NRXN1: variants seen among roughly 807,000 people sequenced by gnomAD.
NRXN1 encodes the protein neurexin-1.
NRXN1 carries 39 observed loss-of-function variants against 150.9 expected under a neutral mutation model. The observed-to-expected ratio is 0.26, with a 90% confidence interval of 0.20 to 0.34. NRXN1 has a LOEUF of 0.34. Ranked by LOEUF, NRXN1 falls within the 10% of genes least tolerant of loss-of-function variation. The pLI is 1.00. For missense variants in NRXN1, 1,815 were observed against 1,949.9 expected (o/e 0.93, Z 1.30); for synonymous variants, 924 against 757.0 (o/e 1.22, Z -3.62).
intron 5 of NRXN1, among the ~76,000 whole-genome samples, chr2:50,648,529 G>T (rs1267225636): frequency 6.6e-6 from 1 of 151,948 alleles, no homozygotes; most frequent in Non-Finnish European, 1.5e-5. Flanking sequence ...GAGGGTGTGA[G>T]AGACTACAAG....
At chr2:50,172,805 A>G (rs528120701) in intron 18 of NRXN1, among the ~76,000 whole-genome samples, 34 of 152,198 alleles carry the variant, frequency 2.2e-4, no homozygotes, top group Admixed American at 7.9e-4. Context: ...CGTCTCTACT[A>G]AAAATACAAA....
In NRXN1 at chr2:50,334,110, TC is replaced by T. The variant is rs2077012949; in HGVS notation, c.3365-97141del. The stretch of plus-strand genomic sequence containing the variant: ...CCTCTCTGGCAACTCCCAGCCAATG[TC>T]TAGAGAGCACAGCACTGTGTTTTCC... On this transcript the variant is annotated intron_variant, in intron 17 of 22. Coordinates refer to ENST00000401669, the MANE Select transcript of NRXN1 (RefSeq NM_001330078.2). Among the ~76,000 whole-genome samples the T allele has an allele frequency of 2.0e-5, 3 of 151,146 alleles. No homozygotes were observed. In the South Asian group the frequency reaches 6.3e-4, roughly 31 times the overall value.
intron 5 of NRXN1, among the ~76,000 whole-genome samples, chr2:50,875,847 T>A (rs746203112): frequency 6.6e-6 from 1 of 151,850 alleles, no homozygotes; most frequent in African/African-American, 2.4e-5. Context: ...CTCAGGCTTA[T>A]AGCACATTGC....
intron 5 of NRXN1, among the ~76,000 whole-genome samples, chr2:50,892,800 A>G (rs920521008): frequency 2.0e-5 from 3 of 152,168 alleles, no homozygotes; most frequent in Non-Finnish European, 4.4e-5. Flanking sequence ...GCAGCCATTA[A>G]CATGTGCCAG....
intron 17 of NRXN1, among the ~76,000 whole-genome samples, chr2:50,285,044 ATTAT>A (rs1364746806): frequency 6.6e-6 from 1 of 152,174 alleles, no homozygotes; most frequent in East Asian, 1.9e-4. Flanking sequence ...TAAAAAGATA[ATTAT>A]TTATCCAATT....
intron 5 of NRXN1, among the ~76,000 whole-genome samples, chr2:50,658,439 T>TGTGTGTGTGTGTGTGTGTGTG (rs1553935244): frequency 7.3e-5 from 11 of 151,718 alleles, no homozygotes; most frequent in South Asian, 4.2e-4. Flanking sequence ...TGTGTGTGTG[T>TGTGTGTGTGTGTGTGTGTGTG]TTGAGGCAGG....
At chr2:50,352,902 G>C (rs990268214) in intron 17 of NRXN1, among the ~76,000 whole-genome samples, 2 of 151,770 alleles carry the variant, frequency 1.3e-5, no homozygotes, top group South Asian at 4.1e-4. Flanking sequence ...TATTTATGAA[G>C]TGTTTATTTA....
At chr2:50,945,574 A>C (rs2104531637) in intron 2 of NRXN1, among the ~76,000 whole-genome samples, 1 of 151,962 alleles carries the variant, frequency 6.6e-6, no homozygotes, top group South Asian at 2.1e-4. Flanking sequence ...AAAAATAGGT[A>C]ATGAGCCAGA....
chr2:50,386,096 T>C (rs1250501338), intron 17 of NRXN1, among the ~76,000 whole-genome samples: 3 of 152,178 alleles, frequency 2.0e-5, no homozygotes, highest in Admixed American at 6.5e-5. Context: ...TACTTTCCAA[T>C]TTCTGTTTAA....
chr2:50,707,489 A>G (rs1694601529), intron 5 of NRXN1, among the ~76,000 whole-genome samples: 1 of 152,170 alleles, frequency 6.6e-6, no homozygotes, highest in Non-Finnish European at 1.5e-5. Context: ...TTTCTGGCAG[A>G]CGTTATCTTG....
At chr2:50,960,723 C>G (rs1331224465) in intron 2 of NRXN1, among the ~76,000 whole-genome samples, 2 of 151,880 alleles carry the variant, frequency 1.3e-5, no homozygotes, top group African/African-American at 4.8e-5. Flanking sequence ...CACTCTGCCT[C>G]TGGGCCTATA....
At chr2:50,284,765 C>A (rs1461641866) in intron 17 of NRXN1, among the ~76,000 whole-genome samples, 5 of 152,166 alleles carry the variant, frequency 3.3e-5, no homozygotes, top group Admixed American at 6.5e-5. Context: ...AATTGTCATA[C>A]AAAATTTATA....
At chr2:49,943,840 T>G in intron 21 of NRXN1, 49 bp from the exon 22 acceptor site, 5 of 1,300,062 alleles carry the variant, frequency 3.8e-6, no homozygotes, top group Non-Finnish European at 4.4e-6. Context: ...TCCTAACAGA[T>G]TCTCTCATCT....
intron 18 of NRXN1, among the ~76,000 whole-genome samples, chr2:50,206,395 G>A (rs1393790237): frequency 3.9e-5 from 6 of 152,022 alleles, no homozygotes; most frequent in Admixed American, 6.6e-5. Context: ...TCATGCAAAT[G>A]TATGTCAGAA....
rs1285491259 is a variant in NRXN1, at chr2:50,347,954, G to A, written c.3365-110984C>T. ...CACGCATCAAAGGGACACGTGTAAG[G>A]CGAAACGGGAACACCTAAAAAGCAA... On this transcript the variant is annotated intron_variant, in intron 17 of 22. Transcript: ENST00000401669. The surrounding 1 kb of genome is among the most constrained non-coding windows in gnomAD (Gnocchi z 4.9). Among the ~76,000 whole-genome samples, 1 of 152,032 alleles carries A rather than the reference G, an allele frequency of 6.6e-6. No individual in the cohort carries two copies. The highest frequency in any genetic ancestry group is 1.9e-4 in the East Asian group (1 of 5,154).
intron 5 of NRXN1, among the ~76,000 whole-genome samples, chr2:50,915,981 C>A (rs1458802301): frequency 6.8e-6 from 1 of 146,876 alleles, no homozygotes; most frequent in Non-Finnish European, 1.5e-5. Context: ...GGACTATTAC[C>A]CATCAGTTAC....
intron 17 of NRXN1, among the ~76,000 whole-genome samples, chr2:50,422,334 G>GA (rs1558703522): frequency 6.6e-6 from 1 of 151,960 alleles, no homozygotes. Context: ...TAAAAACAAA[G>GA]AAAAACATTT....
At chr2:50,938,303 T>C (rs2104457430) in intron 2 of NRXN1, among the ~76,000 whole-genome samples, 1 of 152,294 alleles carries the variant, frequency 6.6e-6, no homozygotes, top group Admixed American at 6.5e-5. Flanking sequence ...ACTAGGCATT[T>C]TTCAGGTCCA....
chr2:49,989,528 ATTG>A (rs1303852142), intron 21 of NRXN1, among the ~76,000 whole-genome samples: 3 of 152,162 alleles, frequency 2.0e-5, no homozygotes, highest in East Asian at 3.9e-4. Context: ...GAGTTTATTA[ATTG>A]TTGTAGCAAG....
Sources: allele counts gnomAD v4.1 joint callset (sites outside exome capture counted in the v4.1 genomes callset), GRCh38; gene constraint gnomAD v4.1.1; non-coding constraint Gnocchi (gnomAD v3.1); transcripts MANE v1.5; gene names NCBI Gene and HGNC (gene_info 2026-07-23, HGNC 2026-07-21).